Variants in SETD1A observed in about 807,000 individuals in gnomAD.
SETD1A encodes SET domain containing 1A, histone lysine methyltransferase.
SETD1A carries 29 observed loss-of-function variants against 149.9 expected under a neutral mutation model. That is an observed-to-expected ratio of 0.19 (90% CI 0.14 to 0.26). The LOEUF (loss-of-function observed/expected upper bound fraction) is 0.26. Ranked by LOEUF, SETD1A falls within the 10% of genes least tolerant of loss-of-function variation. The pLI is 1.00. For synonymous variants in SETD1A, 1,141 were observed against 968.5 expected, an observed-to-expected ratio of 1.18 and a Z score of -3.31; for missense variants, 2,109 against 2,353.1, an observed-to-expected ratio of 0.90 and a Z score of 2.15.
chr16:30,967,538 G>A lies in SETD1A; in HGVS notation c.2720G>A (p.Ser907Asn), dbSNP rs1261185316. ...GAGCCATCGGAAATTTCCGAGGCCA[G>A]TGAGGAAAAGAGGCCTCGTCCCTCC... ...RKEPSEISEASEEKRPRPSTP... is the reference protein window; with the variant it reads ...RKEPSEISEANEEKRPRPSTP... Residue 907 changes from serine to asparagine, a missense_variant, in exon 10 of 19, where the codon AGT becomes AAT. Around this residue, in one of 8 missense-constraint regions of SETD1A, gnomAD observed 832 missense variants for 815.6 expected, o/e 1.02. Coordinates refer to ENST00000262519, the MANE Select transcript of SETD1A (RefSeq NM_014712.3). 3.1e-6 allele frequency: 5 copies of A among 1,614,026 alleles called. No homozygotes were observed. Among genetic ancestry groups the A allele is most frequent in the African/African-American group, 1.3e-5 (1 of 75,038 alleles).
rs541969094 is a variant in SETD1A, at chr16:30,981,043, C to T, written c.4693-18C>T. The T allele has an allele frequency of 5.4e-5, 87 of 1,613,722 alleles. No homozygotes were observed. The South Asian group carries it at 9.3e-4, about 17-fold the overall frequency. On this transcript the variant is annotated intron_variant, in intron 16 of 18. Coordinates refer to ENST00000262519, the MANE Select transcript of SETD1A (RefSeq NM_014712.3). The stretch of plus-strand genomic sequence containing the variant: ...TGTGGGAGGTGTCTGGCAGTTGAGT[C>T]TCCCTTCTGCCCCCCAGTTCCGGAA...
chr16:30,980,600 C>G lies in SETD1A; in HGVS notation c.4524C>G (p.Asp1508Glu). The change falls in exon 15 of 19, where the codon GAC (aspartate) becomes GAG (glutamate). Residue 1508 changes from aspartate (D) to glutamate (E), a missense_variant. Physicochemically the swap from Asp to Glu is conservative, Grantham distance 45. This residue lies in a region of SETD1A where 254 missense variants were observed against 409.3 expected (regional missense o/e 0.62). Transcript: ENST00000262519. This position sits in a 1 kb window ranked among gnomAD's most constrained non-coding sequence, Gnocchi z 7.7. ...GYYPISKKEK[D>E]KYLDVCPVSA... ...ACCCCATCAGCAAGAAGGAGAAGGACAAGTACCTGGACGTGTGCCCAGTCT... is the reference window on the plus strand; with the variant it reads ...ACCCCATCAGCAAGAAGGAGAAGGAGAAGTACCTGGACGTGTGCCCAGTCT... 1 of 1,614,050 alleles carries G rather than the reference C, an allele frequency of 6.2e-7. No homozygotes were observed. The highest frequency in any genetic ancestry group is 8.5e-7 in the Non-Finnish European group (1 of 1,180,026).
chr16:30,964,716 C>T lies in SETD1A; in HGVS notation c.974C>T (p.Thr325Met), dbSNP rs139125622. 3.6e-5 allele frequency: 58 copies of T among 1,614,192 alleles called. No individual in the cohort carries two copies. Among genetic ancestry groups the T allele is most frequent in the African/African-American group, 6.7e-5 (5 of 75,036 alleles). ...TCTTCAGCCTCCACAACCGCCTCCACGGCCATCGCCGCCACCACTGCAGCC... is the reference window on the plus strand; with the variant it reads ...TCTTCAGCCTCCACAACCGCCTCCATGGCCATCGCCGCCACCACTGCAGCC... ...SASSASTTAS[T>M]AIAATTAATA... The change falls in exon 7 of 19, where the codon ACG (threonine) becomes ATG (methionine). Residue 325 changes from threonine (T) to methionine (M), a missense_variant. Thr to Met is a moderately conservative substitution (Grantham distance 81, BLOSUM62 -1). Transcript: ENST00000262519.
At chr16:30,967,264 C>T (rs2056161390) in intron 9 of SETD1A, among the ~76,000 whole-genome samples, 1 of 152,142 alleles carries the variant, frequency 6.6e-6, no homozygotes, top group African/African-American at 2.4e-5. Context: ...AGCGATTCTC[C>T]TGCCTCAGCC....
intron 10 of SETD1A, 38 bp downstream of exon 10, chr16:30,967,626 C>A (rs532404799): frequency 6.4e-7 from 1 of 1,572,188 alleles, no homozygotes; most frequent in Non-Finnish European, 8.8e-7. Context: ...GGGTGTGCTG[C>A]GTGGGTTCTG....
At chr16:30,977,252 G>A (rs914308908) in intron 13 of SETD1A, among the ~76,000 whole-genome samples, 1 of 152,098 alleles carries the variant, frequency 6.6e-6, no homozygotes, top group Non-Finnish European at 1.5e-5. Flanking sequence ...CCAGCTCACC[G>A]AGTTTCTAAT....
rs142914701 is a variant in SETD1A, at chr16:30,966,949, G to A, written c.2571G>A (p.Glu857=). The A allele has an allele frequency of 1.8e-5, 29 of 1,582,180 alleles. No individual in the cohort carries two copies. Among genetic ancestry groups the A allele is most frequent in the Middle Eastern group, 3.3e-4 (2 of 6,028 alleles). The change falls in exon 9 of 19, where the codon GAG becomes GAA. Residue 857 remains glutamate, a synonymous_variant. Transcript: ENST00000262519. ...ATAAAGAGAAGACGAAGCTGAAGGAGCCTGGCCTGCTGTCCCTCGTGGACT... is the reference window on the plus strand; with the variant it reads ...ATAAAGAGAAGACGAAGCTGAAGGAACCTGGCCTGCTGTCCCTCGTGGACT... ...EEDKEKTKLK[E]PGLLSLVDWA... is the part of the protein sequence containing the mutation.
chr16:30,960,730 CTTT>C (rs71374043), intron 3 of SETD1A, among the ~76,000 whole-genome samples: 18 of 80,540 alleles, frequency 2.2e-4, no homozygotes, highest in South Asian at 4.1e-4. Context: ...TTCTTTCTTT[CTTT>C]TTTTTTTTTT....
Position 30,964,907 on chromosome 16 carries a change from C to A in SETD1A, c.1165C>A (p.Arg389=). Residue 389 remains arginine, a synonymous_variant, in exon 7 of 19, where the codon CGG becomes AGG. Coordinates refer to ENST00000262519, the MANE Select transcript of SETD1A (RefSeq NM_014712.3). Reference sequence around the variant, plus strand: ...TTCCTACCCACCACGCCGGGCCACACGGGAGGAACCCCCTGGAGCCCCTTT... The same window carrying A: ...TTCCTACCCACCACGCCGGGCCACAAGGGAGGAACCCCCTGGAGCCCCTTT... ...HTSYPPRRAT[R]EEPPGAPFAE... is the part of the protein sequence containing the mutation. 1 of 1,614,164 alleles carries A rather than the reference C, an allele frequency of 6.2e-7. No homozygotes were observed. Among genetic ancestry groups the A allele is most frequent in the Non-Finnish European group, 8.5e-7 (1 of 1,179,986 alleles).
chr16:30,980,307 T>C lies in SETD1A; in HGVS notation c.4408+113T>C. 4.2e-6 allele frequency: 6 copies of C among 1,443,130 alleles called. No individual in the cohort carries two copies. The allele number at this position is 1,443,130 out of a possible 1,614,324, so 89.4% of individuals were successfully genotyped here. A position where few individuals can be genotyped will look rare whatever the true frequency, so the allele number is the denominator to read the frequency against. On this transcript the variant is annotated intron_variant, in intron 14 of 18. Transcript: ENST00000262519. This position sits in a 1 kb window ranked among gnomAD's most constrained non-coding sequence, Gnocchi z 7.7. ...TCCCCTCTGGCTCCAAGCCATCTTTTCTCTCCTCCTGGTGCCTCTTTTCTG... is the reference window on the plus strand; with the variant it reads ...TCCCCTCTGGCTCCAAGCCATCTTTCCTCTCCTCCTGGTGCCTCTTTTCTG...
At chr16:30,977,589 C>T (rs931297524) in intron 13 of SETD1A, among the ~76,000 whole-genome samples, 8 of 152,192 alleles carry the variant, frequency 5.3e-5, no homozygotes, top group African/African-American at 1.2e-4. Flanking sequence ...CATGCTGAAG[C>T]GTGAGGTGGT....
In SETD1A at chr16:30,980,173, A is replaced by G; in HGVS notation, c.4387A>G (p.Thr1463Ala). ...AAGCGGGGCTGACTGGCTCAACGAC[A>G]CTCACTGGGTCCATCACACAAATAT... ...QTSGADWLND[T>A]HWVHHTITNL... Residue 1463 changes from threonine (T) to alanine (A), a missense_variant, in exon 14 of 19, where the codon ACT (threonine) becomes GCT (alanine). Coordinates refer to ENST00000262519, the MANE Select transcript of SETD1A (RefSeq NM_014712.3). The surrounding 1 kb of genome is among the most constrained non-coding windows in gnomAD (Gnocchi z 7.7). The G allele has an allele frequency of 6.2e-7, 1 of 1,608,826 alleles. No individual in the cohort carries two copies. The highest frequency in any genetic ancestry group is 8.5e-7 in the Non-Finnish European group (1 of 1,177,664).
intron 6 of SETD1A, 138 bp downstream of exon 6, chr16:30,964,461 T>A: frequency 2.9e-6 from 4 of 1,393,064 alleles, no homozygotes; most frequent in Non-Finnish European, 2.9e-6. Flanking sequence ...GTCAACAAAT[T>A]GCTGTCCTCG....
At chr16:30,959,285 C>G in intron 3 of SETD1A, 99 bp downstream of exon 3, 1 of 842,446 alleles carries the variant, frequency 1.2e-6, no homozygotes, top group Middle Eastern at 2.2e-4. Context: ...ATGAAAGGAT[C>G]TCAGCCAGAT....
intron 3 of SETD1A, among the ~76,000 whole-genome samples, chr16:30,960,364 A>T (rs957906710): frequency 6.6e-6 from 1 of 152,136 alleles, no homozygotes; most frequent in Non-Finnish European, 1.5e-5. Flanking sequence ...TTTTTCAAAA[A>T]CACCAAGTTG....
Position 30,964,622 on chromosome 16 carries a change from ACCT to A in SETD1A, c.884_886del (p.Ser295del), listed in dbSNP as rs754143185. ...CTGCTTCTTCTCCAGCACCACTTCA[ACCT>A]CCTTCAAGCCCCGGCGGTCAGAGAA... is the stretch of plus-strand genomic sequence containing the variant. On this transcript the variant is annotated inframe_deletion, in exon 7 of 19. Coordinates refer to ENST00000262519, the MANE Select transcript of SETD1A (RefSeq NM_014712.3). 2.2e-5 allele frequency: 36 copies of A among 1,611,994 alleles called. No individual in the cohort carries two copies. The East Asian group carries it at 6.9e-4, about 31-fold the overall frequency.
chr16:30,983,777 G>T lies in SETD1A; in HGVS notation c.4950+5G>T, dbSNP rs767522721. 1.9e-6 allele frequency: 3 copies of T among 1,613,620 alleles called. No homozygotes were observed. The highest frequency in any genetic ancestry group is 2.5e-6 in the Non-Finnish European group (3 of 1,179,752). On this transcript the variant is annotated splice_donor_5th_base_variant and intron_variant, in intron 18 of 18. Coordinates refer to ENST00000262519, the MANE Select transcript of SETD1A (RefSeq NM_014712.3). This position sits in a 1 kb window ranked among gnomAD's most constrained non-coding sequence, Gnocchi z 6.8. Reference sequence around the variant, plus strand: ...TTCATCAACCACTGCTGCACGGTGCGCCAGGGGCCAGCCGGGGCAGGAGTT... The same window carrying T: ...TTCATCAACCACTGCTGCACGGTGCTCCAGGGGCCAGCCGGGGCAGGAGTT...
rs1301206335 is a variant in SETD1A, at chr16:30,984,244, GAGA to G, written c.*227_*229del. Reference sequence around the variant, plus strand: ...CACCCCCTGATTGTTTTTCTTTGCGGAGAAGAAGCTGTAAATGTTTTGTAGCAG... The same window carrying G: ...CACCCCCTGATTGTTTTTCTTTGCGGAGAAGCTGTAAATGTTTTGTAGCAG... On this transcript the variant is annotated 3_prime_UTR_variant, in exon 19 of 19. Transcript: ENST00000262519. The G allele has an allele frequency of 5.3e-6, 3 of 567,634 alleles. No individual in the cohort carries two copies. Among genetic ancestry groups the G allele is most frequent in the Non-Finnish European group, 9.4e-6 (3 of 318,892 alleles). The allele number at this position is 567,634 out of a possible 1,614,324, so 35.2% of individuals were successfully genotyped here. A position where few individuals can be genotyped will look rare whatever the true frequency, so the allele number is the denominator to read the frequency against.
chr16:30,958,615 G>A (rs2056000850), intron 1 of SETD1A, 102 bp from the exon 2 acceptor site: 2 of 1,004,172 alleles, frequency 2.0e-6, no homozygotes, highest in Non-Finnish European at 3.0e-6. Context: ...TTGGAAACTG[G>A]AGTGATGGGA....
Sources: gnomAD v4.1 joint callset for allele counts (sites outside exome capture counted in the v4.1 genomes callset) on GRCh38, gnomAD v4.1.1 for gene constraint, gnomAD v4.1.1 regional missense constraint, Gnocchi (gnomAD v3.1) non-coding constraint, MANE v1.5 for transcripts, NCBI Gene and HGNC (gene_info 2026-07-23, HGNC 2026-07-21) for gene names.